PDE10A: variants seen among roughly 807,000 people sequenced by gnomAD.
The protein encoded by PDE10A is cAMP and cAMP-inhibited cGMP 3',5'-cyclic phosphodiesterase 10A.
PDE10A carries 39 observed loss-of-function variants against 97.7 expected under a neutral mutation model. The observed-to-expected ratio is 0.40, with a 90% CI of 0.31 to 0.52. PDE10A has a LOEUF of 0.52. Ranked by LOEUF, PDE10A falls within the 20% of genes least tolerant of loss-of-function variation. PDE10A has a pLI of 0.56. For missense variants in PDE10A, 731 were observed against 1,047.8 expected, an observed-to-expected ratio of 0.70 and a Z score of 4.17; for synonymous variants, 371 against 376.8, an observed-to-expected ratio of 0.98 and a Z score of 0.18.
At chr6:165,539,107 C>A (rs1409971080) in intron 2 of PDE10A, among the ~76,000 whole-genome samples, 1 of 151,886 alleles carries the variant, frequency 6.6e-6, no homozygotes, top group African/African-American at 2.4e-5. Flanking sequence ...TTTATATATT[C>A]CCTAAATAAG....
intron 1 of PDE10A, among the ~76,000 whole-genome samples, chr6:165,557,113 T>C (rs9365893): frequency 0.12 from 18,251 of 152,024 alleles, 2,176 homozygotes; most frequent in East Asian, 0.33. Flanking sequence ...CACTCAAGCC[T>C]GGGTGACAGA....
chr6:165,358,378 T>C (rs1025401801), intron 18 of PDE10A, among the ~76,000 whole-genome samples: 58 of 152,258 alleles, frequency 3.8e-4, no homozygotes, highest in Admixed American at 2.0e-3. Flanking sequence ...GCTTTGTTAT[T>C]AGGTGCATGT....
At chr6:165,749,425 T>C (rs369977038) in intron 1 of PDE10A, among the ~76,000 whole-genome samples, 12 of 136,980 alleles carry the variant, frequency 8.8e-5, no homozygotes, top group African/African-American at 2.0e-4. Context: ...ATCATCACCA[T>C]CACCACCATC....
At chr6:165,439,323 A>G (rs1790265777) in intron 5 of PDE10A, among the ~76,000 whole-genome samples, 1 of 152,208 alleles carries the variant, frequency 6.6e-6, no homozygotes, top group South Asian at 2.1e-4. Context: ...AAATATATAA[A>G]AACTTTAATT....
chr6:165,987,704 C>G (rs1785264788), exon 1 of PDE10A: 1 of 456,666 alleles, frequency 2.2e-6, no homozygotes, highest in Non-Finnish European at 4.4e-6. Context: ...GCCCGCTGGC[C>G]AAGTTCGGGA....
At chr6:165,779,628 G>A (rs1351819943) in intron 1 of PDE10A, among the ~76,000 whole-genome samples, 1 of 152,210 alleles carries the variant, frequency 6.6e-6, no homozygotes, top group Non-Finnish European at 1.5e-5. Context: ...TGGCTACAAA[G>A]TTGATTCTGT....
intron 1 of PDE10A, among the ~76,000 whole-genome samples, chr6:165,706,352 T>C (rs181387145): frequency 6.6e-6 from 1 of 152,310 alleles, no homozygotes; most frequent in East Asian, 1.9e-4. Flanking sequence ...TATCTCAGTA[T>C]CAGGACACAG....
intron 18 of PDE10A, among the ~76,000 whole-genome samples, chr6:165,372,333 T>G (rs1238810920): frequency 6.7e-6 from 1 of 150,024 alleles, no homozygotes; most frequent in Middle Eastern, 3.4e-3. Flanking sequence ...AAAACCCCAT[T>G]GTCTCAGCCC....
At chr6:165,530,055 T>C (rs1052142670) in intron 2 of PDE10A, among the ~76,000 whole-genome samples, 1 of 151,956 alleles carries the variant, frequency 6.6e-6, no homozygotes, top group Non-Finnish European at 1.5e-5. Flanking sequence ...GCAAATATAA[T>C]ACAGGCAGAA....
In PDE10A at chr6:165,648,568, C is replaced by G. The variant is rs79067866; in HGVS notation, c.865+13379G>C. 8.5e-3 allele frequency among the ~76,000 whole-genome samples: 1,293 copies of G among 152,234 alleles called. 20 individuals are homozygous for G. Among genetic ancestry groups the G allele is most frequent in the Admixed American group, 0.021 (321 of 15,282 alleles). On this transcript the variant is annotated intron_variant, in intron 1 of 21. Transcript: ENST00000539869. ...AATGCCTTATTCTATCAGCCATACGCAGTACTTTCCACCAGACTGCAACCC... is the reference window on the plus strand; with the variant it reads ...AATGCCTTATTCTATCAGCCATACGGAGTACTTTCCACCAGACTGCAACCC...
At chr6:165,691,508 GA>G (rs551347800) in intron 1 of PDE10A, among the ~76,000 whole-genome samples, 90 of 151,824 alleles carry the variant, frequency 5.9e-4, no homozygotes, top group African/African-American at 2.0e-3. Flanking sequence ...AAAATCGCCT[GA>G]TAACACATTT....
At chr6:165,403,838 G>T (rs1284479552) in intron 13 of PDE10A, among the ~76,000 whole-genome samples, 4 of 152,048 alleles carry the variant, frequency 2.6e-5, no homozygotes, top group Non-Finnish European at 2.9e-5. Flanking sequence ...TTGCCTTTTT[G>T]TGCCTGGATA....
intron 1 of PDE10A, among the ~76,000 whole-genome samples, chr6:165,923,279 T>C (rs896695511): frequency 2.0e-5 from 3 of 152,244 alleles, no homozygotes; most frequent in African/African-American, 7.2e-5. Flanking sequence ...TAATTATCCC[T>C]GGGAAATAGA....
Position 165,698,565 on chromosome 6 carries a change from C to A in PDE10A, c.-614-154997G>T, listed in dbSNP as rs1464593966. On this transcript the variant is annotated intron_variant, in intron 1 of 19. Coordinates refer to the PDE10A transcript ENST00000366882. ...TACATTAGAAAATAACCACTCAATT[C>A]TTGGCCAGATGTGGTAGATCATGCC... is the stretch of plus-strand genomic sequence containing the variant. Among the ~76,000 whole-genome samples the A allele has an allele frequency of 2.6e-5, 4 of 152,284 alleles. No homozygotes were observed. In the East Asian group the frequency reaches 7.7e-4, roughly 29 times the overall value.
At chr6:165,411,616 A>G (rs531980652) in intron 13 of PDE10A, among the ~76,000 whole-genome samples, 1 of 152,356 alleles carries the variant, frequency 6.6e-6, no homozygotes, top group Non-Finnish European at 1.5e-5. Flanking sequence ...TAGCAAGCTA[A>G]TACAGTACCA....
chr6:165,506,511 T>C (rs1781201101), intron 2 of PDE10A, among the ~76,000 whole-genome samples: 1 of 152,156 alleles, frequency 6.6e-6, no homozygotes, highest in South Asian at 2.1e-4. Flanking sequence ...AACAGTCATA[T>C]TGGCTAAATA....
At chr6:165,929,549 G>A (rs559805793) in intron 1 of PDE10A, among the ~76,000 whole-genome samples, 23 of 152,300 alleles carry the variant, frequency 1.5e-4, no homozygotes, top group Non-Finnish European at 2.6e-4. Context: ...GCTGGATGCC[G>A]CGACACCCTA....
At chr6:165,867,650 C>T (rs964961604) in intron 1 of PDE10A, among the ~76,000 whole-genome samples, 4 of 151,992 alleles carry the variant, frequency 2.6e-5, no homozygotes, top group Non-Finnish European at 5.9e-5. Context: ...AAACATCAAA[C>T]TTAATCTGCA....
chr6:165,375,760 G>A (rs1784569960), intron 18 of PDE10A, among the ~76,000 whole-genome samples: 1 of 152,176 alleles, frequency 6.6e-6, no homozygotes, highest in South Asian at 2.1e-4. Context: ...TCAGGGTAAA[G>A]CCAATGATTA....
Sources: allele counts gnomAD v4.1 joint callset (sites outside exome capture counted in the v4.1 genomes callset), GRCh38; gene constraint gnomAD v4.1.1; transcripts MANE v1.5; gene names NCBI Gene and HGNC (gene_info 2026-07-23, HGNC 2026-07-21).